The following CDIN1 variants were observed in gnomAD, a reference collection of about 807,000 sequenced individuals.
CDIN1 encodes CDAN1 interacting nuclease 1.
Under a neutral mutation model 45.3 loss-of-function variants are expected in CDIN1, and 33 were observed. The observed-to-expected ratio is 0.73, with a 90% CI of 0.55 to 0.97. CDIN1 has a LOEUF of 0.97. Ranked by LOEUF, CDIN1 falls within the 50% of genes least tolerant of loss-of-function variation. The pLI is 0.00. For missense variants in CDIN1, 303 were observed against 339.4 expected, an observed-to-expected ratio of 0.89 and a Z score of 0.84; for synonymous variants, 118 against 124.4, an observed-to-expected ratio of 0.95 and a Z score of 0.34.
chr15:36,786,078 G>C (rs1352800330), intron 10 of CDIN1, among the ~76,000 whole-genome samples: 1 of 152,160 alleles, frequency 6.6e-6, no homozygotes, highest in Non-Finnish European at 1.5e-5. Flanking sequence ...AATACTGACA[G>C]TGTTCATACA....
At chr15:36,588,104 A>G (rs1283509629) in intron 1 of CDIN1, among the ~76,000 whole-genome samples, 1 of 152,252 alleles carries the variant, frequency 6.6e-6, no homozygotes, top group Non-Finnish European at 1.5e-5. Flanking sequence ...CAGTAGATTT[A>G]CAGAAAATGA....
chr15:36,678,654 T>C (rs564704860), intron 5 of CDIN1, among the ~76,000 whole-genome samples: 18 of 152,340 alleles, frequency 1.2e-4, no homozygotes, highest in Non-Finnish European at 2.4e-4. Flanking sequence ...TTCTTCTCCC[T>C]GACTGCTGCC....
At chr15:36,798,741 T>C (rs1370706934) in intron 10 of CDIN1, 1 of 152,196 alleles carries the variant, frequency 6.6e-6, no homozygotes, top group Non-Finnish European at 1.5e-5. Flanking sequence ...AGAAACTCCA[T>C]TCCCTCCATT....
chr15:36,641,993 G>T (rs549947217), intron 1 of CDIN1: 2 of 152,270 alleles, frequency 1.3e-5, no homozygotes, highest in South Asian at 4.2e-4. Context: ...TGTAACTTCT[G>T]TTCCCTTTGG....
At chr15:36,677,274 C>A (rs1389120327) in intron 5 of CDIN1, among the ~76,000 whole-genome samples, 1 of 151,994 alleles carries the variant, frequency 6.6e-6, no homozygotes, top group African/African-American at 2.4e-5. Context: ...AACAGATATG[C>A]AGCATATCTG....
chr15:36,635,758 T>C (rs573211521), intron 1 of CDIN1, among the ~76,000 whole-genome samples: 1 of 152,276 alleles, frequency 6.6e-6, no homozygotes, highest in Non-Finnish European at 1.5e-5. Context: ...GGAACTTATA[T>C]GAAGAAGAAT....
intron 10 of CDIN1, among the ~76,000 whole-genome samples, chr15:36,774,317 T>C (rs2054164567): frequency 6.6e-6 from 1 of 152,156 alleles, no homozygotes; most frequent in South Asian, 2.1e-4. Flanking sequence ...AAGCACGACC[T>C]ATTCCTACTC....
chr15:36,764,986 C>T (rs572456112), intron 10 of CDIN1, among the ~76,000 whole-genome samples: 3 of 152,082 alleles, frequency 2.0e-5, no homozygotes, highest in African/African-American at 7.2e-5. Context: ...TTCCTGCTGA[C>T]TCTGCAGTCA....
chr15:36,589,634 T>C (rs2037475811), intron 1 of CDIN1, among the ~76,000 whole-genome samples: 2 of 151,810 alleles, frequency 1.3e-5, no homozygotes, highest in Admixed American at 6.6e-5. Context: ...GCCTCCCGAG[T>C]AGCTGGGACT....
intron 7 of CDIN1, among the ~76,000 whole-genome samples, chr15:36,696,971 A>AG (rs923678392): frequency 1.3e-5 from 2 of 148,760 alleles, no homozygotes; most frequent in South Asian, 4.3e-4. Context: ...AAAAAAAAAA[A>AG]TTACCCAGGC....
chr15:36,619,801 G>A (rs1409939774), intron 1 of CDIN1, among the ~76,000 whole-genome samples: 2 of 152,148 alleles, frequency 1.3e-5, no homozygotes, highest in African/African-American at 4.8e-5. Flanking sequence ...TTGCAAAGCG[G>A]ATTAGTGGCT....
At chr15:36,735,453 A>C (rs1031497957) in intron 10 of CDIN1, among the ~76,000 whole-genome samples, 3 of 152,086 alleles carry the variant, frequency 2.0e-5, no homozygotes, top group Non-Finnish European at 4.4e-5. Flanking sequence ...GTTATTTTAA[A>C]TATGCTTATC....
chr15:36,792,782 G>A (rs1218958449), intron 10 of CDIN1, among the ~76,000 whole-genome samples: 1 of 152,060 alleles, frequency 6.6e-6, no homozygotes, highest in Non-Finnish European at 1.5e-5. Context: ...ACCCTCAGGC[G>A]AAGGCCTCCT....
At chr15:36,692,830 A>G (rs1276110556) in intron 7 of CDIN1, among the ~76,000 whole-genome samples, 1 of 152,234 alleles carries the variant, frequency 6.6e-6, no homozygotes, top group South Asian at 2.1e-4. Context: ...ACAAGATTGA[A>G]CAGACAGTAA....
intron 1 of CDIN1, among the ~76,000 whole-genome samples, chr15:36,632,585 A>C (rs538592620): frequency 4.6e-5 from 7 of 152,316 alleles, no homozygotes; most frequent in African/African-American, 1.4e-4. Flanking sequence ...TAGTTCAACC[A>C]TCTGGCGTTT....
At chr15:36,760,098 T>C (rs1380791474) in intron 10 of CDIN1, among the ~76,000 whole-genome samples, 1 of 152,186 alleles carries the variant, frequency 6.6e-6, no homozygotes, top group Non-Finnish European at 1.5e-5. Context: ...TCTATAAATA[T>C]AGCTCTATGT....
chr15:36,667,432 G>T (rs2041289715), intron 5 of CDIN1, among the ~76,000 whole-genome samples: 1 of 152,188 alleles, frequency 6.6e-6, no homozygotes. Context: ...AACGCTTTGT[G>T]TGTACAGCTA....
At chr15:36,789,136 G>T (rs1163276397) in intron 10 of CDIN1, among the ~76,000 whole-genome samples, 1 of 152,216 alleles carries the variant, frequency 6.6e-6, no homozygotes, top group Non-Finnish European at 1.5e-5. Context: ...AAGCCATCCT[G>T]GGTCACATGC....
intron 10 of CDIN1, among the ~76,000 whole-genome samples, chr15:36,800,323 T>C (rs894427980): frequency 1.3e-5 from 2 of 152,144 alleles, no homozygotes; most frequent in Admixed American, 6.6e-5. Context: ...AAAAAGTAGA[T>C]GAAACAACCA....
Sources: allele counts gnomAD v4.1 joint callset (sites outside exome capture counted in the v4.1 genomes callset), GRCh38; gene constraint gnomAD v4.1.1; transcripts MANE v1.5; gene names NCBI Gene and HGNC (gene_info 2026-07-23, HGNC 2026-07-21).